Variants in PIWIL4 observed in about 807,000 individuals in gnomAD.
PIWIL4 encodes the protein piwi-like protein 4.
PIWIL4 carries 50 observed loss-of-function variants against 100.9 expected under a neutral mutation model. The observed-to-expected ratio is 0.50, with a 90% CI of 0.39 to 0.63. The LOEUF (loss-of-function observed/expected upper bound fraction) is 0.63. Ranked by LOEUF, PIWIL4 falls within the 20% of genes least tolerant of loss-of-function variation. The probability of loss-of-function intolerance (pLI) is 0.00; values close to 1 mark genes in which losing one functional copy is unlikely to be tolerated. For missense variants in PIWIL4, 887 were observed against 1,043.3 expected, an observed-to-expected ratio of 0.85 and a Z score of 2.06; for synonymous variants, 342 against 367.5, an observed-to-expected ratio of 0.93 and a Z score of 0.79.
In PIWIL4 at chr11:94,595,810, C is replaced by A. The variant is rs7929419; in HGVS notation, c.1268+384C>A. On this transcript the variant is annotated intron_variant, in intron 10 of 19. Coordinates refer to ENST00000299001, the MANE Select transcript of PIWIL4 (RefSeq NM_152431.3). Reference sequence around the variant, plus strand: ...AAGGGTCAGGAATGCTCAGCTCTTACTACAATGGCCTCAGCAGACTGAACT... The same window carrying A: ...AAGGGTCAGGAATGCTCAGCTCTTAATACAATGGCCTCAGCAGACTGAACT... Among the ~76,000 whole-genome samples the A allele has an allele frequency of 4.6e-3, 696 of 152,352 alleles. 11 individuals carry two copies. The highest frequency in any genetic ancestry group is 0.015 in the African/African-American group (621 of 41,582).
rs1948495089 is a variant in PIWIL4, at chr11:94,592,147, A to T, written c.1027-1371A>T. 1.3e-5 allele frequency among the ~76,000 whole-genome samples: 2 copies of T among 152,068 alleles called. 1 individual carries two copies. The highest frequency in any genetic ancestry group is 4.2e-4 in the South Asian group (2 of 4,816). On this transcript the variant is annotated intron_variant, in intron 8 of 19. Transcript: ENST00000299001. Reference sequence around the variant, plus strand: ...TTTTCCTCCCCACCCCTCCCACTCCAGCCCAGGGATCCAGTACTGAGTGGT... The same window carrying T: ...TTTTCCTCCCCACCCCTCCCACTCCTGCCCAGGGATCCAGTACTGAGTGGT...
intron 11 of PIWIL4, 96 bp from the exon 12 acceptor site, chr11:94,601,699 C>A: frequency 8.6e-7 from 1 of 1,164,978 alleles, no homozygotes; most frequent in Non-Finnish European, 1.3e-6. Context: ...CTGTGTTAAA[C>A]AGTTATAACA....
intron 2 of PIWIL4, among the ~76,000 whole-genome samples, chr11:94,572,043 G>C (rs1948162732): frequency 6.6e-6 from 1 of 152,212 alleles, no homozygotes; most frequent in Admixed American, 6.5e-5. Flanking sequence ...GGCCAGTGAT[G>C]ATGAGCATTT....
chr11:94,585,531 T>C lies in PIWIL4; in HGVS notation c.716+6T>C. On this transcript the variant is annotated splice_donor_region_variant and intron_variant, in intron 6 of 19. Transcript: ENST00000299001. ...ATGGAAATTCCCCAGCACAAGTAGG[T>C]TTATTTATATTTTCTGTTACTCCGA... The C allele has an allele frequency of 6.3e-7, 1 of 1,584,788 alleles. No homozygotes were observed. The highest frequency in any genetic ancestry group is 8.6e-7 in the Non-Finnish European group (1 of 1,160,210).
intron 13 of PIWIL4, among the ~76,000 whole-genome samples, chr11:94,605,624 T>A (rs190698457): frequency 6.6e-6 from 1 of 152,332 alleles, no homozygotes; most frequent in Non-Finnish European, 1.5e-5. Flanking sequence ...TAGCATCTAT[T>A]ATAATTCTTG....
chr11:94,575,149 C>G lies in PIWIL4; in HGVS notation c.298+19C>G. 1 of 1,609,156 alleles carries G rather than the reference C, an allele frequency of 6.2e-7. No individual in the cohort carries two copies. The highest frequency in any genetic ancestry group is 8.5e-7 in the Non-Finnish European group (1 of 1,178,420). On this transcript the variant is annotated intron_variant, in intron 3 of 19. Transcript: ENST00000299001. ...AAAACAGGTACCCAGTTTTATGTCA[C>G]TTACTTTTTTAATGTTACCAAATCT...
chr11:94,598,378 T>A (rs1948586375), intron 11 of PIWIL4, among the ~76,000 whole-genome samples: 1 of 152,160 alleles, frequency 6.6e-6, no homozygotes, highest in African/African-American at 2.4e-5. Flanking sequence ...AAAACACTGC[T>A]CAATGGACAT....
At chr11:94,620,336 T>C (rs1948892428) in intron 19 of PIWIL4, among the ~76,000 whole-genome samples, 192 bp downstream of exon 19, 1 of 152,224 alleles carries the variant, frequency 6.6e-6, no homozygotes, top group African/African-American at 2.4e-5. Context: ...CAGTCTATCA[T>C]AGAAACAAAA....
chr11:94,594,478 A>C (rs1948529625), intron 9 of PIWIL4, among the ~76,000 whole-genome samples: 1 of 151,394 alleles, frequency 6.6e-6, no homozygotes, highest in South Asian at 2.1e-4. Flanking sequence ...AAAAAAAAGG[A>C]AAAGAAAGAA....
chr11:94,590,190 T>A (rs570453812), intron 8 of PIWIL4, among the ~76,000 whole-genome samples: 5 of 152,220 alleles, frequency 3.3e-5, no homozygotes, highest in Admixed American at 2.0e-4. Flanking sequence ...TGTTCTTCCT[T>A]CCTGAAACCT....
intron 10 of PIWIL4, among the ~76,000 whole-genome samples, chr11:94,596,346 T>G (rs1948559082): frequency 6.6e-6 from 1 of 151,926 alleles, no homozygotes; most frequent in Non-Finnish European, 1.5e-5. Flanking sequence ...GAAAAGAGTG[T>G]GTATGTGTGT....
chr11:94,607,463 C>G lies in PIWIL4; in HGVS notation c.1663C>G (p.Gln555Glu). Residue 555 changes from glutamine to glutamate, a missense_variant, in exon 14 of 20, where the codon CAG becomes GAG. By Grantham distance (29) the Gln-to-Glu change is conservative (BLOSUM62 2). Coordinates refer to ENST00000299001, the MANE Select transcript of PIWIL4 (RefSeq NM_152431.3). ...QLVMCILPSN[Q>E]KTYYDSIKKY... ...GGTAATGTGCATTCTGCCTTCTAAT[C>G]AGAAGACCTATTATGATTCCATTAA... 1.2e-6 allele frequency: 2 copies of G among 1,613,788 alleles called. No homozygotes were observed. Among genetic ancestry groups the G allele is most frequent in the Non-Finnish European group, 1.7e-6 (2 of 1,179,842 alleles).
intron 2 of PIWIL4, among the ~76,000 whole-genome samples, chr11:94,570,024 G>T (rs1948129085): frequency 1.3e-5 from 2 of 152,232 alleles, no homozygotes; most frequent in Non-Finnish European, 2.9e-5. Flanking sequence ...TGCTTGGAAG[G>T]ATGGTAGAAA....
In PIWIL4 at chr11:94,586,363, A is replaced by C. The variant is rs12795268; in HGVS notation, c.717-687A>C. 6.3e-3 allele frequency among the ~76,000 whole-genome samples: 958 copies of C among 152,072 alleles called. 8 individuals carry two copies. Among genetic ancestry groups the C allele is most frequent in the African/African-American group, 0.014 (574 of 41,454 alleles). On this transcript the variant is annotated intron_variant, in intron 6 of 19. Coordinates refer to ENST00000299001, the MANE Select transcript of PIWIL4 (RefSeq NM_152431.3). ...TAATAGTCCACAAAATATAAACTGGAATTATTTTTTAAAATAGTAGTCTAT... is the reference window on the plus strand; with the variant it reads ...TAATAGTCCACAAAATATAAACTGGCATTATTTTTTAAAATAGTAGTCTAT...
intron 17 of PIWIL4, among the ~76,000 whole-genome samples, chr11:94,619,406 A>G (rs1948881059): frequency 6.6e-6 from 1 of 151,862 alleles, no homozygotes; most frequent in South Asian, 2.1e-4. Context: ...CGAAGGGGAA[A>G]ATAGGTTGAG....
intron 17 of PIWIL4, 51 bp from the exon 18 acceptor site, chr11:94,619,709 C>A: frequency 6.5e-7 from 1 of 1,548,868 alleles, no homozygotes; most frequent in South Asian, 1.2e-5. Flanking sequence ...AAATAGAAAG[C>A]TATATAGATT....
Position 94,616,579 on chromosome 11 carries a change from C to A in PIWIL4, c.2014+16C>A. 1 of 1,584,056 alleles carries A rather than the reference C, an allele frequency of 6.3e-7. No homozygotes were observed. The highest frequency in any genetic ancestry group is 1.1e-5 in the South Asian group (1 of 87,388). The stretch of plus-strand genomic sequence containing the variant: ...TTCATGACTGGTACTAAAAATATAG[C>A]AATGTGGGTGGGCTCCAAGGACTGT... On this transcript the variant is annotated intron_variant, in intron 16 of 19. Coordinates refer to ENST00000299001, the MANE Select transcript of PIWIL4 (RefSeq NM_152431.3).
At chr11:94,571,691 G>A (rs1302227575) in intron 2 of PIWIL4, among the ~76,000 whole-genome samples, 1 of 152,144 alleles carries the variant, frequency 6.6e-6, no homozygotes, top group East Asian at 1.9e-4. Flanking sequence ...ATCATTGTTG[G>A]ACATTTGGGT....
chr11:94,596,619 G>A (rs756244308), intron 10 of PIWIL4, among the ~76,000 whole-genome samples: 1 of 151,886 alleles, frequency 6.6e-6, no homozygotes, highest in Non-Finnish European at 1.5e-5. Context: ...TATACTTTAC[G>A]TCATTTACCC....
Sources: gnomAD v4.1 joint callset for allele counts (sites outside exome capture counted in the v4.1 genomes callset) on GRCh38, gnomAD v4.1.1 for gene constraint, MANE v1.5 for transcripts, NCBI Gene and HGNC (gene_info 2026-07-23, HGNC 2026-07-21) for gene names.